SEMA3E: variants seen among roughly 807,000 people sequenced by gnomAD.
SEMA3E encodes the protein semaphorin 3E.
A neutral mutation model predicts 93.6 loss-of-function variants in SEMA3E; 49 were observed. The observed-to-expected ratio is 0.52, with a 90% CI of 0.42 to 0.66. The LOEUF (loss-of-function observed/expected upper bound fraction) is 0.66, where lower values mean the gene tolerates loss of function less well. SEMA3E is among the 30% of genes least tolerant of loss of function. SEMA3E has a pLI of 0.00. For missense variants in SEMA3E, 906 were observed against 964.8 expected (o/e 0.94, Z 0.81); for synonymous variants, 363 against 330.7 (o/e 1.10, Z -1.06).
At chr7:83,468,853 CTTCA>C (rs1789832176) in intron 3 of SEMA3E, among the ~76,000 whole-genome samples, 1 of 152,010 alleles carries the variant, frequency 6.6e-6, no homozygotes, top group African/African-American at 2.4e-5. Flanking sequence ...CTTTTTGTTT[CTTCA>C]TTCATTTCTA....
At chr7:83,630,626 A>G (rs1238699528) in intron 1 of SEMA3E, among the ~76,000 whole-genome samples, 2 of 152,158 alleles carry the variant, frequency 1.3e-5, no homozygotes, top group Non-Finnish European at 2.9e-5. Flanking sequence ...TTATCAATTC[A>G]TTATTGCTAC....
At chr7:83,496,210 A>G (rs1480374074) in intron 1 of SEMA3E, among the ~76,000 whole-genome samples, 1 of 152,008 alleles carries the variant, frequency 6.6e-6, no homozygotes, top group East Asian at 1.9e-4. Context: ...GAACGACAGA[A>G]GTTGACTGGA....
At chr7:83,431,154 AT>A (rs1438044069) in intron 4 of SEMA3E, among the ~76,000 whole-genome samples, 15 of 151,132 alleles carry the variant, frequency 9.9e-5, no homozygotes, top group African/African-American at 2.4e-4. Flanking sequence ...ATAGTAGGAT[AT>A]TTTTTTCTTC....
chr7:83,384,328 T>C (rs1006409269), intron 16 of SEMA3E, among the ~76,000 whole-genome samples: 8 of 152,168 alleles, frequency 5.3e-5, no homozygotes, highest in African/African-American at 1.4e-4. Flanking sequence ...AAGCCTTCCA[T>C]TGATTCACTC....
In SEMA3E at chr7:83,365,808, C is replaced by T. The variant is rs1328903209; in HGVS notation, c.*1778G>A. On this transcript the variant is annotated 3_prime_UTR_variant, in exon 17 of 17. Coordinates refer to ENST00000643230, the MANE Select transcript of SEMA3E (RefSeq NM_012431.3). ...TACTTAATTGACTTATTTGTTCAGACATAAACTTTGTAAGGCCCCTGTGAT... is the reference window on the plus strand; with the variant it reads ...TACTTAATTGACTTATTTGTTCAGATATAAACTTTGTAAGGCCCCTGTGAT... 1 of 152,164 alleles carries T rather than the reference C, an allele frequency of 6.6e-6. No individual in the cohort carries two copies. Among genetic ancestry groups the T allele is most frequent in the East Asian group, 1.9e-4 (1 of 5,198 alleles). The allele number at this position is 152,164 out of a possible 1,614,324, so 9.4% of individuals were successfully genotyped here.
intron 4 of SEMA3E, among the ~76,000 whole-genome samples, chr7:83,450,847 G>A (rs1789345102): frequency 6.6e-6 from 1 of 152,108 alleles, no homozygotes; most frequent in Non-Finnish European, 1.5e-5. Flanking sequence ...ATATTATCAT[G>A]TTACCACTAA....
chr7:83,463,891 T>C (rs566068273), intron 4 of SEMA3E, among the ~76,000 whole-genome samples: 73 of 152,286 alleles, frequency 4.8e-4, no homozygotes, highest in Non-Finnish European at 9.6e-4. Flanking sequence ...CAAATTAGCT[T>C]TACTAAACAT....
chr7:83,603,479 C>A (rs1793040966), intron 1 of SEMA3E, among the ~76,000 whole-genome samples: 1 of 152,000 alleles, frequency 6.6e-6, no homozygotes, highest in African/African-American at 2.4e-5. Flanking sequence ...TTATGATTAA[C>A]AAAGCTAATA....
At chr7:83,562,054 C>T (rs987391064) in intron 1 of SEMA3E, among the ~76,000 whole-genome samples, 4 of 152,056 alleles carry the variant, frequency 2.6e-5, no homozygotes, top group African/African-American at 9.7e-5. Context: ...CAAAAGATAA[C>T]CCAGCATATT....
chr7:83,575,467 T>C (rs215288), intron 1 of SEMA3E, among the ~76,000 whole-genome samples: 64,949 of 151,886 alleles, frequency 0.43, 14,981 homozygotes, highest in African/African-American at 0.61. Flanking sequence ...TATTTGATTC[T>C]ACATTAAATT....
At chr7:83,368,535 G>C (rs945211418) in intron 16 of SEMA3E, among the ~76,000 whole-genome samples, 1 of 152,030 alleles carries the variant, frequency 6.6e-6, no homozygotes, top group African/African-American at 2.4e-5. Context: ...TGGAGAACTG[G>C]GCTCCTTTCA....
chr7:83,429,113 AT>A (rs1270011115), intron 4 of SEMA3E, among the ~76,000 whole-genome samples: 12 of 152,174 alleles, frequency 7.9e-5, no homozygotes, highest in Non-Finnish European at 1.3e-4. Flanking sequence ...AAAAAATCTT[AT>A]TTTATCAAAT....
At chr7:83,515,426 A>G (rs915067633) in intron 1 of SEMA3E, among the ~76,000 whole-genome samples, 9 of 152,182 alleles carry the variant, frequency 5.9e-5, no homozygotes, top group African/African-American at 2.2e-4. Context: ...GAAAATTAGC[A>G]GAAAATGATA....
intron 15 of SEMA3E, among the ~76,000 whole-genome samples, chr7:83,385,818 C>T (rs1385479253): frequency 6.6e-6 from 1 of 152,150 alleles, no homozygotes; most frequent in East Asian, 1.9e-4. Context: ...ACCAGAAATG[C>T]AGGCAAAATG....
intron 1 of SEMA3E, 112 bp from the exon 2 acceptor site, chr7:83,490,386 C>G (rs1464778250): frequency 9.8e-7 from 1 of 1,021,272 alleles, no homozygotes; most frequent in Non-Finnish European, 1.5e-6. Flanking sequence ...CATTAACATT[C>G]ATTTTATCAT....
intron 1 of SEMA3E, among the ~76,000 whole-genome samples, chr7:83,614,363 G>A (rs1793324263): frequency 6.6e-6 from 1 of 152,100 alleles, no homozygotes; most frequent in South Asian, 2.1e-4. Context: ...TCCTTGTAAG[G>A]AAAGGATTTC....
intron 1 of SEMA3E, among the ~76,000 whole-genome samples, chr7:83,612,839 T>C (rs1793291957): frequency 6.6e-6 from 1 of 152,134 alleles, no homozygotes; most frequent in Non-Finnish European, 1.5e-5. Flanking sequence ...TTAACACATA[T>C]GTTTTATAAC....
At chr7:83,494,730 G>A (rs538354406) in intron 1 of SEMA3E, among the ~76,000 whole-genome samples, 1 of 152,040 alleles carries the variant, frequency 6.6e-6, no homozygotes, top group East Asian at 1.9e-4. Flanking sequence ...TTATTATTTA[G>A]TTTGTTCATG....
At chr7:83,552,736 C>T (rs1791791102) in intron 1 of SEMA3E, among the ~76,000 whole-genome samples, 1 of 151,984 alleles carries the variant, frequency 6.6e-6, no homozygotes, top group African/African-American at 2.4e-5. Context: ...CCTGCAGTAC[C>T]CTCAGGCTTA....
Sources: allele counts gnomAD v4.1 joint callset (sites outside exome capture counted in the v4.1 genomes callset), GRCh38; gene constraint gnomAD v4.1.1; transcripts MANE v1.5; gene names NCBI Gene and HGNC (gene_info 2026-07-23, HGNC 2026-07-21).